The following DKK2 variants were observed in gnomAD, a reference collection of about 807,000 sequenced individuals.
DKK2 encodes dickkopf Wnt signaling pathway inhibitor 2.
Under a neutral mutation model 28.1 loss-of-function variants are expected in DKK2, and 11 were observed. The observed-to-expected ratio is 0.39, with a 90% CI of 0.25 to 0.65. The LOEUF is 0.65. DKK2 is among the 30% of genes least tolerant of loss of function. DKK2 has a pLI of 0.47. For missense variants in DKK2, 326 were observed against 335.5 expected (o/e 0.97, Z 0.22); for synonymous variants, 135 against 126.5 (o/e 1.07, Z -0.45).
intron 1 of DKK2, among the ~76,000 whole-genome samples, chr4:107,014,636 A>G (rs1194399574): frequency 6.6e-6 from 1 of 151,526 alleles, no homozygotes; most frequent in African/African-American, 2.4e-5. Context: ...TAGCTAGAAA[A>G]GAAGATTTAA....
chr4:106,936,326 C>T lies in DKK2; in HGVS notation c.223-10377G>A, dbSNP rs540910639. On this transcript the variant is annotated intron_variant, in intron 1 of 3. Transcript: ENST00000285311. ...AAGAACTACGTGAAGAATGCAGAAGCCTCAGGAGCCGATGCGATCAACTGG... is the reference window on the plus strand; with the variant it reads ...AAGAACTACGTGAAGAATGCAGAAGTCTCAGGAGCCGATGCGATCAACTGG... Among the ~76,000 whole-genome samples, 751 of 152,176 alleles carry T rather than the reference C, an allele frequency of 4.9e-3. 4 individuals are homozygous for T. The highest frequency in any genetic ancestry group is 0.017 in the African/African-American group (701 of 41,496).
intron 1 of DKK2, among the ~76,000 whole-genome samples, chr4:107,004,875 T>A (rs979882528): frequency 6.6e-6 from 1 of 152,158 alleles, no homozygotes; most frequent in African/African-American, 2.4e-5. Context: ...TGAAATGGAC[T>A]CAACCTGCTA....
intron 1 of DKK2, among the ~76,000 whole-genome samples, chr4:106,947,325 T>G (rs890403255): frequency 6.6e-6 from 1 of 152,092 alleles, no homozygotes; most frequent in African/African-American, 2.4e-5. Flanking sequence ...CAGCCTATGC[T>G]CCTCTCTGCT....
At chr4:106,976,126 C>T (rs1377413183) in intron 1 of DKK2, among the ~76,000 whole-genome samples, 1 of 152,110 alleles carries the variant, frequency 6.6e-6, no homozygotes, top group Non-Finnish European at 1.5e-5. Flanking sequence ...GATTTCCATT[C>T]TTTTCCATTT....
chr4:107,007,275 G>C (rs553740237), intron 1 of DKK2, among the ~76,000 whole-genome samples: 7 of 152,014 alleles, frequency 4.6e-5, no homozygotes, highest in Admixed American at 3.9e-4. Context: ...AATAATGAAG[G>C]CTCTCTTCTC....
At chr4:106,961,808 C>T (rs756704604) in intron 1 of DKK2, among the ~76,000 whole-genome samples, 20 of 152,106 alleles carry the variant, frequency 1.3e-4, no homozygotes, top group South Asian at 4.1e-4. Context: ...GTTACCGCAC[C>T]TCTCTGTGCA....
chr4:107,029,756 A>G (rs1723848385), intron 1 of DKK2, among the ~76,000 whole-genome samples: 2 of 152,106 alleles, frequency 1.3e-5, no homozygotes, highest in South Asian at 4.1e-4. Context: ...TTGTTTTGTC[A>G]TTTAATGTAC....
At chr4:106,957,206 C>T (rs985307193) in intron 1 of DKK2, among the ~76,000 whole-genome samples, 3 of 151,750 alleles carry the variant, frequency 2.0e-5, no homozygotes, top group Non-Finnish European at 4.4e-5. Context: ...CAATGAGATA[C>T]CATCTCACAC....
chr4:106,932,423 G>T (rs772547376), intron 1 of DKK2, among the ~76,000 whole-genome samples: 1 of 152,074 alleles, frequency 6.6e-6, no homozygotes, highest in Non-Finnish European at 1.5e-5. Flanking sequence ...AAATTCTAGG[G>T]AATGCTCTAC....
At position 106,924,201 on chromosome 4, in the gene DKK2, T is replaced by C; in HGVS notation, c.533A>G (p.His178Arg). 2.5e-6 allele frequency: 4 copies of C among 1,613,838 alleles called. No individual in the cohort carries two copies. Among genetic ancestry groups the C allele is most frequent in the Non-Finnish European group, 3.4e-6 (4 of 1,179,892 alleles). ...PHTKMSHIKG[H>R]EGDPCLRSSD... Reference sequence around the variant, plus strand: ...TGATCGTAGGCAGGGGTCTCCTTCATGCCCTGCAGAGATGATGACCAATAG... The same window carrying C: ...TGATCGTAGGCAGGGGTCTCCTTCACGCCCTGCAGAGATGATGACCAATAG... The change falls in exon 4 of 4, where the codon CAT becomes CGT. Residue 178 changes from histidine (H) to arginine (R), a missense_variant. Transcript: ENST00000285311.
chr4:107,034,604 T>C (rs926364932), intron 1 of DKK2, among the ~76,000 whole-genome samples: 1 of 152,204 alleles, frequency 6.6e-6, no homozygotes, highest in African/African-American at 2.4e-5. Context: ...TCCTGCTGTA[T>C]CGCTGGCGCC....
chr4:106,929,811 CAGTAA>C (rs1724475454), intron 1 of DKK2, among the ~76,000 whole-genome samples: 1 of 152,050 alleles, frequency 6.6e-6, no homozygotes, highest in African/African-American at 2.4e-5. Flanking sequence ...AAAATTTTAG[CAGTAA>C]AGTAAAGAGA....
At chr4:106,931,203 G>A (rs1724498531) in intron 1 of DKK2, among the ~76,000 whole-genome samples, 1 of 152,078 alleles carries the variant, frequency 6.6e-6, no homozygotes, top group South Asian at 2.1e-4. Flanking sequence ...TGAACATCAG[G>A]CCAGGGGGAT....
intron 1 of DKK2, among the ~76,000 whole-genome samples, chr4:106,983,908 AT>A (rs1723075707): frequency 6.6e-6 from 1 of 152,198 alleles, no homozygotes; most frequent in Non-Finnish European, 1.5e-5. Context: ...CCACAATAGG[AT>A]ATCAGTACAC....
chr4:106,940,354 A>G (rs1287940001), intron 1 of DKK2, among the ~76,000 whole-genome samples: 7 of 152,178 alleles, frequency 4.6e-5, no homozygotes, highest in African/African-American at 1.2e-4. Flanking sequence ...AAACACATGA[A>G]AAAATGCTCA....
At chr4:106,936,445 T>A (rs1352916641) in intron 1 of DKK2, among the ~76,000 whole-genome samples, 1 of 152,138 alleles carries the variant, frequency 6.6e-6, no homozygotes, top group Non-Finnish European at 1.5e-5. Context: ...GAGCAAAGCC[T>A]CCAAGAAATA....
chr4:106,998,315 C>A (rs1056644354), intron 1 of DKK2, among the ~76,000 whole-genome samples: 1 of 152,102 alleles, frequency 6.6e-6, no homozygotes, highest in African/African-American at 2.4e-5. Flanking sequence ...AGTGATTTTG[C>A]TTAATTTTCT....
intron 1 of DKK2, among the ~76,000 whole-genome samples, chr4:106,951,493 C>T (rs12505015): frequency 6.6e-6 from 1 of 152,064 alleles, no homozygotes; most frequent in African/African-American, 2.4e-5. Flanking sequence ...CAATGCAATA[C>T]TATTCAGCCA....
chr4:107,034,797 T>TA (rs1431736138), intron 1 of DKK2, among the ~76,000 whole-genome samples: 1 of 152,108 alleles, frequency 6.6e-6, no homozygotes, highest in Non-Finnish European at 1.5e-5. Context: ...CTCCAGATTG[T>TA]AAAATATAAT....
Sources: gnomAD v4.1 joint callset for allele counts (sites outside exome capture counted in the v4.1 genomes callset) on GRCh38, gnomAD v4.1.1 for gene constraint, MANE v1.5 for transcripts, NCBI Gene and HGNC (gene_info 2026-07-23, HGNC 2026-07-21) for gene names.